CEP63: variants seen among roughly 807,000 people sequenced by gnomAD.
The protein encoded by CEP63 is centrosomal protein of 63 kDa.
Under a neutral mutation model 89.1 loss-of-function variants are expected in CEP63, and 84 were observed. The observed-to-expected ratio is 0.94, with a 90% CI of 0.79 to 1.13. CEP63 has a LOEUF of 1.13. Ranked by LOEUF, CEP63 falls within the 50% of genes most tolerant of loss-of-function variation. The pLI is 0.00. For synonymous variants in CEP63, 267 were observed against 272.5 expected (o/e 0.98, Z 0.20); for missense variants, 838 against 813.3 (o/e 1.03, Z -0.37).
At chr3:134,690,315 G>A in the CEP63 span, among the ~76,000 whole-genome samples, 1 of 152,138 alleles carries the variant, frequency 6.6e-6, no homozygotes, top group African/African-American at 2.4e-5. Flanking sequence ...AGTTTCAACA[G>A]ACATAAAGTT....
the CEP63 span, chr3:134,603,301 G>C: frequency 3.2e-6 from 1 of 316,538 alleles, no homozygotes; most frequent in Non-Finnish European, 5.8e-6. Flanking sequence ...AGGGGCATCT[G>C]GATGCAGGTG....
chr3:134,702,399 A>C, the CEP63 span, among the ~76,000 whole-genome samples: 11 of 152,002 alleles, frequency 7.2e-5, no homozygotes, highest in East Asian at 1.3e-3. Context: ...AAAAAAAAAA[A>C]CAGCCCGAAT....
At chr3:134,603,791 T>C in the CEP63 span, 1 of 1,613,394 alleles carries the variant, frequency 6.2e-7, no homozygotes, top group Non-Finnish European at 8.5e-7. Context: ...ACATTCCGGT[T>C]GGCAGGAAGC....
chr3:134,739,774 G>T, the CEP63 span, among the ~76,000 whole-genome samples: 1 of 151,262 alleles, frequency 6.6e-6, no homozygotes, highest in Non-Finnish European at 1.5e-5. Context: ...CAAAATCCAG[G>T]TTGTGGTTAT....
chr3:134,582,925 A>G (rs914198293), intron 10 of CEP63, among the ~76,000 whole-genome samples: 2 of 152,186 alleles, frequency 1.3e-5, no homozygotes, highest in Non-Finnish European at 2.9e-5. Context: ...TTCTCTGATG[A>G]CCAGTGATGA....
chr3:134,651,203 C>T, the CEP63 span: 1 of 1,328,380 alleles, frequency 7.5e-7, no homozygotes, highest in African/African-American at 1.5e-5. Flanking sequence ...AAGGAAATCC[C>T]CGGGCCCAAG....
chr3:134,551,335 A>G (rs529213769), intron 11 of CEP63, among the ~76,000 whole-genome samples: 1 of 152,266 alleles, frequency 6.6e-6, no homozygotes, highest in African/African-American at 2.4e-5. Context: ...AAGTGACTCA[A>G]ACCAAACTTA....
intron 1 of CEP63, among the ~76,000 whole-genome samples, chr3:134,487,232 G>A (rs1018046276): frequency 3.2e-4 from 49 of 152,286 alleles, no homozygotes; most frequent in African/African-American, 1.1e-3. Context: ...ATGATAAAGT[G>A]TATATATTTT....
the CEP63 span, among the ~76,000 whole-genome samples, chr3:134,701,354 G>A: frequency 1.5e-5 from 1 of 67,226 alleles, no homozygotes; most frequent in Non-Finnish European, 2.8e-5. Context: ...GTATATATGT[G>A]TATATATACA....
At chr3:134,507,622 G>C (rs1576869821) in intron 3 of CEP63, among the ~76,000 whole-genome samples, 1 of 151,794 alleles carries the variant, frequency 6.6e-6, no homozygotes, top group East Asian at 1.9e-4. Context: ...ATTGCTTTTG[G>C]CTTCACTGTA....
the CEP63 span, among the ~76,000 whole-genome samples, chr3:134,770,746 T>G: frequency 6.6e-6 from 1 of 152,178 alleles, no homozygotes; most frequent in Non-Finnish European, 1.5e-5. Flanking sequence ...GCATTCCCCC[T>G]CTGAGATTCC....
chr3:134,572,945 G>A (rs963751300), intron 11 of CEP63, among the ~76,000 whole-genome samples: 2 of 152,070 alleles, frequency 1.3e-5, no homozygotes, highest in South Asian at 4.1e-4. Context: ...TTTGATAATA[G>A]CCATTCTGAC....
the CEP63 span, among the ~76,000 whole-genome samples, chr3:134,744,055 C>T: frequency 6.6e-6 from 1 of 152,130 alleles, no homozygotes; most frequent in African/African-American, 2.4e-5. Flanking sequence ...TCACCCCACC[C>T]CCAGCCATCC....
chr3:134,625,247 T>G, the CEP63 span: 1 of 804,788 alleles, frequency 1.2e-6, no homozygotes, highest in Non-Finnish European at 2.1e-6. Flanking sequence ...TTAACACAAT[T>G]CTCAAAGCCT....
chr3:134,546,962 C>A (rs553609913), intron 8 of CEP63, among the ~76,000 whole-genome samples: 1 of 152,270 alleles, frequency 6.6e-6, no homozygotes, highest in South Asian at 2.1e-4. Context: ...TTAATAGCAG[C>A]CAGCCATTGG....
the CEP63 span, among the ~76,000 whole-genome samples, chr3:134,727,648 CT>C: frequency 6.6e-6 from 1 of 152,164 alleles, no homozygotes; most frequent in Non-Finnish European, 1.5e-5. Context: ...AATCTATAGA[CT>C]TCTTAAATAG....
chr3:134,764,403 G>T, the CEP63 span, among the ~76,000 whole-genome samples: 1 of 152,084 alleles, frequency 6.6e-6, no homozygotes, highest in Non-Finnish European at 1.5e-5. Flanking sequence ...TTTTCTCCCA[G>T]GTTTAATTTT....
At chr3:134,716,331 T>C in the CEP63 span, among the ~76,000 whole-genome samples, 2 of 152,196 alleles carry the variant, frequency 1.3e-5, no homozygotes, top group Non-Finnish European at 2.9e-5. Flanking sequence ...TTTTCAGTCT[T>C]ATTCTCAGCA....
the CEP63 span, among the ~76,000 whole-genome samples, chr3:134,653,571 C>T: frequency 6.6e-6 from 1 of 152,190 alleles, no homozygotes; most frequent in Non-Finnish European, 1.5e-5. Context: ...TTAGCTGCTT[C>T]CCCTCTTCCC....
Sources: allele counts gnomAD v4.1 joint callset (sites outside exome capture counted in the v4.1 genomes callset), GRCh38; gene constraint gnomAD v4.1.1; transcripts MANE v1.5; gene names NCBI Gene and HGNC (gene_info 2026-07-23, HGNC 2026-07-21).